Variants in GATAD2B observed in about 807,000 individuals in gnomAD.
The protein encoded by GATAD2B is transcriptional repressor p66-beta.
A neutral mutation model predicts 64.3 loss-of-function variants in GATAD2B; 8 were observed. The ratio of observed to expected loss-of-function variants is 0.12; its 90% CI spans 0.07 to 0.22. The LOEUF (loss-of-function observed/expected upper bound fraction) is 0.22, where lower values mean the gene tolerates loss of function less well. Among genes scored for constraint, GATAD2B ranks in the 10% least tolerant of loss-of-function variants. The pLI, the probability that GATAD2B is intolerant of heterozygous loss-of-function variation, is 1.00. For synonymous variants in GATAD2B, 281 were observed against 271.3 expected (o/e 1.04, Z -0.35); for missense variants, 453 against 752.0 (o/e 0.60, Z 4.65).
rs191729492 is a variant in GATAD2B at position 153,821,094 on chromosome 1, G to A, written c.336-1359C>T. ...CTCCTGGCCCCAAGAGATTCCCCCC[G>A]CCTCAGCCTCCTGAGTAGCTGGGAC... On this transcript the variant is annotated intron_variant, in intron 2 of 10. Transcript: ENST00000368655. 3.7e-5 allele frequency among the ~76,000 whole-genome samples: 5 copies of A among 136,314 alleles called. 1 individual carries two copies. The highest frequency in any genetic ancestry group is 1.6e-4 in the Admixed American group (2 of 12,128). 89.4% of individuals were successfully genotyped at this position (136,314 alleles called of 152,430 possible).
intron 1 of GATAD2B, among the ~76,000 whole-genome samples, chr1:153,858,078 C>T (rs987343776): frequency 2.0e-5 from 3 of 152,202 alleles, no homozygotes; most frequent in Non-Finnish European, 4.4e-5. Flanking sequence ...ATGTGGCTGA[C>T]TTCAAGAATA....
At chr1:153,862,721 A>C (rs954950800) in intron 1 of GATAD2B, among the ~76,000 whole-genome samples, 11 of 139,230 alleles carry the variant, frequency 7.9e-5, no homozygotes, top group East Asian at 2.2e-4. Context: ...TCTCTACTTT[A>C]TTTCTTTTTT....
chr1:153,817,356 C>T lies in GATAD2B; in HGVS notation c.900+16G>A. ...GGATTTCTCTGTTTCCACATTAGGG[C>T]TCAGCTCTCTCTTACCGGTTGATAA... is the stretch of plus-strand genomic sequence containing the variant. On this transcript the variant is annotated intron_variant, in intron 6 of 10. Coordinates refer to ENST00000368655, the MANE Select transcript of GATAD2B (RefSeq NM_020699.4). 2 of 1,525,852 alleles carry T rather than the reference C, an allele frequency of 1.3e-6. No individual in the cohort carries two copies. Among genetic ancestry groups the T allele is most frequent in the South Asian group, 1.3e-5 (1 of 76,870 alleles). 94.5% of individuals were successfully genotyped at this position (1,525,852 alleles called of 1,614,324 possible).
intron 2 of GATAD2B, among the ~76,000 whole-genome samples, chr1:153,826,941 A>T (rs1245945855): frequency 9.0e-5 from 10 of 110,556 alleles, no homozygotes; most frequent in African/African-American, 5.1e-4. Flanking sequence ...ACCCTATCTT[A>T]AAAAAAAAAA....
At chr1:153,918,600 A>G (rs548176572) in intron 1 of GATAD2B, among the ~76,000 whole-genome samples, 1 of 152,358 alleles carries the variant, frequency 6.6e-6, no homozygotes, top group South Asian at 2.1e-4. Context: ...AGCTTTGATC[A>G]AAAGATTTAA....
intron 1 of GATAD2B, among the ~76,000 whole-genome samples, chr1:153,851,084 T>C (rs569010900): frequency 5.3e-5 from 8 of 152,122 alleles, no homozygotes; most frequent in Non-Finnish European, 1.2e-4. Context: ...TAATTTTACA[T>C]ACATTGTTTA....
chr1:153,853,213 G>T, intron 1 of GATAD2B: 1 of 1,148,620 alleles, frequency 8.7e-7, no homozygotes, highest in Non-Finnish European at 1.3e-6. Context: ...TGGATGATGG[G>T]CAGAGCACAC....
intron 8 of GATAD2B, 102 bp from the exon 9 acceptor site, chr1:153,812,234 T>G (rs1365068657): frequency 4.4e-6 from 3 of 674,514 alleles, no homozygotes; most frequent in Admixed American, 2.6e-5. Flanking sequence ...CTGACTTTGT[T>G]GCCCAGGCTG....
rs202004222 is a variant in GATAD2B, at chr1:153,859,681, AT to A, written c.-1-31334del. Reference sequence around the variant, plus strand: ...TGAGACTCCATCTCAAAAAAAAATAATAAAAAAAAAAAAAGACCATAGACAT... The same window carrying A: ...TGAGACTCCATCTCAAAAAAAAATAAAAAAAAAAAAAAAGACCATAGACAT... On this transcript the variant is annotated intron_variant, in intron 1 of 10. Transcript: ENST00000368655. Among the ~76,000 whole-genome samples, 251 of 147,608 alleles carry A rather than the reference AT, an allele frequency of 1.7e-3. 2 individuals are homozygous for A. Among genetic ancestry groups the A allele is most frequent in the Admixed American group, 5.1e-3 (75 of 14,632 alleles).
intron 1 of GATAD2B, among the ~76,000 whole-genome samples, chr1:153,901,121 G>C (rs1370690093): frequency 2.0e-5 from 3 of 151,514 alleles, no homozygotes; most frequent in Admixed American, 2.0e-4. Context: ...GGCTGAGGCA[G>C]AAGAATCCCT....
Position 153,807,867 on chromosome 1 carries a change from T to C in GATAD2B, c.*2310A>G, listed in dbSNP as rs1321031975. The C allele has an allele frequency of 1.3e-5, 2 of 152,304 alleles. No individual in the cohort carries two copies. Among genetic ancestry groups the C allele is most frequent in the African/African-American group, 4.8e-5 (2 of 41,330 alleles). 9.4% of individuals were successfully genotyped at this position (152,304 alleles called of 1,614,324 possible). A position where few individuals can be genotyped will look rare whatever the true frequency, so the allele number is the denominator to read the frequency against. Reference sequence around the variant, plus strand: ...CTCTGAGCTTGGGGAGAGGGAGACGTAACAGAAATGGCACTTCATCATGAG... The same window carrying C: ...CTCTGAGCTTGGGGAGAGGGAGACGCAACAGAAATGGCACTTCATCATGAG... On this transcript the variant is annotated 3_prime_UTR_variant, in exon 11 of 11. Transcript: ENST00000368655.
chr1:153,819,460 T>C, intron 3 of GATAD2B, 146 bp downstream of exon 3: 1 of 573,210 alleles, frequency 1.7e-6, no homozygotes, highest in South Asian at 3.0e-5. Flanking sequence ...TGAAAGCCCT[T>C]GAAGTCAAGA....
chr1:153,901,267 G>A lies in GATAD2B; in HGVS notation c.-2+21466C>T, dbSNP rs186647040. On this transcript the variant is annotated intron_variant, in intron 1 of 10. Coordinates refer to ENST00000368655, the MANE Select transcript of GATAD2B (RefSeq NM_020699.4). ...ATGTTAAGGCTGAGGCACAAGAATC[G>A]TTGGAACCCAGGTGGAGAGGTTGCA... Among the ~76,000 whole-genome samples the A allele has an allele frequency of 2.2e-4, 34 of 151,812 alleles. 1 individual carries two copies. The highest frequency in any genetic ancestry group is 5.3e-4 in the Admixed American group (8 of 15,194).
intron 1 of GATAD2B, among the ~76,000 whole-genome samples, chr1:153,873,374 G>A (rs1676727282): frequency 6.6e-6 from 1 of 152,224 alleles, no homozygotes; most frequent in Non-Finnish European, 1.5e-5. Context: ...AAGTTCATCT[G>A]TTGGATACTT....
intron 1 of GATAD2B, among the ~76,000 whole-genome samples, chr1:153,842,229 T>C (rs925389491): frequency 6.6e-6 from 1 of 152,244 alleles, no homozygotes; most frequent in Non-Finnish European, 1.5e-5. Context: ...TGGCTAATGA[T>C]GTTCTTTTTA....
chr1:153,810,361 A>C, intron 10 of GATAD2B, 51 bp from the exon 11 acceptor site: 13 of 1,586,450 alleles, frequency 8.2e-6, no homozygotes, highest in Non-Finnish European at 1.0e-5. Context: ...AGGAAATAAC[A>C]TTCCCTTCCA....
At chr1:153,862,170 T>C (rs1178788169) in intron 1 of GATAD2B, among the ~76,000 whole-genome samples, 2 of 141,070 alleles carry the variant, frequency 1.4e-5, no homozygotes, top group Non-Finnish European at 3.0e-5. Context: ...TCACCCAGGA[T>C]GGAGTGCAGC....
chr1:153,916,277 GA>G (rs200305010), intron 1 of GATAD2B, among the ~76,000 whole-genome samples: 36,235 of 92,548 alleles, frequency 0.39, 4,748 homozygotes, highest in Admixed American at 0.49. Context: ...TCCACCTCAA[GA>G]AAAAAAAAAA....
chr1:153,907,173 G>A (rs1188469792), intron 1 of GATAD2B, among the ~76,000 whole-genome samples: 1 of 152,118 alleles, frequency 6.6e-6, no homozygotes, highest in Non-Finnish European at 1.5e-5. Context: ...CAAAACAATC[G>A]AAAGCAGGGA....
Sources: allele counts gnomAD v4.1 joint callset (sites outside exome capture counted in the v4.1 genomes callset), GRCh38; gene constraint gnomAD v4.1.1; transcripts MANE v1.5; gene names NCBI Gene and HGNC (gene_info 2026-07-23, HGNC 2026-07-21).